CCNK: variants seen among roughly 807,000 people sequenced by gnomAD.
CCNK encodes the protein cyclin K.
Under a neutral mutation model 65.0 loss-of-function variants are expected in CCNK, and 9 were observed. That is an observed-to-expected ratio of 0.14 (90% CI 0.08 to 0.24). The LOEUF (loss-of-function observed/expected upper bound fraction) is 0.24, where lower values mean the gene tolerates loss of function less well. CCNK is among the 10% of genes least tolerant of loss of function. CCNK has a pLI of 1.00. For missense variants in CCNK, 474 were observed against 720.0 expected, an observed-to-expected ratio of 0.66 and a Z score of 3.91; for synonymous variants, 279 against 270.8, an observed-to-expected ratio of 1.03 and a Z score of -0.30.
At chr14:99,496,637 G>A (rs971091222) in intron 4 of CCNK, among the ~76,000 whole-genome samples, 2 of 151,992 alleles carry the variant, frequency 1.3e-5, no homozygotes, top group African/African-American at 4.8e-5. Context: ...ATGAACCCGG[G>A]AGGCGGAGCT....
intron 4 of CCNK, among the ~76,000 whole-genome samples, chr14:99,498,331 A>C (rs1011295441): frequency 6.6e-6 from 1 of 152,054 alleles, no homozygotes; most frequent in African/African-American, 2.4e-5. Flanking sequence ...TGAATGGGGG[A>C]GGGGGCTTTG....
rs1465270470 is a variant in CCNK at position 99,512,143 on chromosome 14, A to G, written c.*1361A>G. 1.1e-4 allele frequency: 17 copies of G among 152,288 alleles called. No homozygotes were observed. Among genetic ancestry groups the G allele is most frequent in the Non-Finnish European group, 4.4e-5 (3 of 68,018 alleles). The allele number at this position is 152,288 out of a possible 1,614,324, so 9.4% of individuals were successfully genotyped here. A position where few individuals can be genotyped will look rare whatever the true frequency, so the allele number is the denominator to read the frequency against. ...TTCAAATCAATGTTTTTACCACACT[A>G]TCAAAAAGTTCTATTTCTTCTTGTC... On this transcript the variant is annotated 3_prime_UTR_variant, in exon 11 of 11. Coordinates refer to ENST00000389879, the MANE Select transcript of CCNK (RefSeq NM_001099402.2).
At chr14:99,481,641 C>A (rs1896326274) in intron 1 of CCNK, 162 bp downstream of exon 1, 1 of 387,234 alleles carries the variant, frequency 2.6e-6, no homozygotes, top group Non-Finnish European at 4.6e-6. Context: ...GCGGGCGACG[C>A]GGGGTTGTGG....
At position 99,510,211 on chromosome 14, in the gene CCNK, T is replaced by A. The variant is rs1196940660; in HGVS notation, c.1172T>A (p.Val391Glu). The stretch of plus-strand genomic sequence containing the variant: ...GGTGAGGCTGAGCCGCCGGGCCCTG[T>A]GGATGCCACTGACCTCCCCAAAGTC... ...ALGEAEPPGPVDATDLPKVQI... is the reference protein window; with the variant it reads ...ALGEAEPPGPEDATDLPKVQI... The change falls in exon 11 of 11, where the codon GTG (valine) becomes GAG (glutamate). Residue 391 changes from valine to glutamate, a missense_variant. This residue lies in a region of CCNK where 229 missense variants were observed against 275.5 expected (regional missense o/e 0.83). Transcript: ENST00000389879. The A allele has an allele frequency of 6.3e-7, 1 of 1,597,212 alleles. No individual in the cohort carries two copies.
intron 8 of CCNK, chr14:99,503,294 C>T (rs1251176656): frequency 1.6e-6 from 1 of 612,368 alleles, no homozygotes; most frequent in East Asian, 2.8e-5. Context: ...CATGCTGCTT[C>T]TGTGCAGCTG....
intron 1 of CCNK, among the ~76,000 whole-genome samples, chr14:99,483,808 G>T (rs1566745043): frequency 6.6e-6 from 1 of 152,196 alleles, no homozygotes; most frequent in Non-Finnish European, 1.5e-5. Flanking sequence ...GATGTCTTTG[G>T]AGATATGCTA....
chr14:99,493,780 C>G (rs773237194), intron 3 of CCNK, among the ~76,000 whole-genome samples, 185 bp downstream of exon 3: 1 of 152,128 alleles, frequency 6.6e-6, no homozygotes, highest in Non-Finnish European at 1.5e-5. Context: ...ATGTTCAAAT[C>G]TTTTCACTTA....
intron 1 of CCNK, among the ~76,000 whole-genome samples, chr14:99,483,593 G>A (rs1380418907): frequency 6.6e-6 from 1 of 152,202 alleles, no homozygotes; most frequent in East Asian, 1.9e-4. Flanking sequence ...TTTTGTTACA[G>A]TTTACTAGAC....
At chr14:99,491,486 C>T (rs1427166517) in intron 1 of CCNK, among the ~76,000 whole-genome samples, 1 of 152,182 alleles carries the variant, frequency 6.6e-6, no homozygotes, top group Non-Finnish European at 1.5e-5. Flanking sequence ...GTCATATTTT[C>T]TGAGGTTTTA....
At position 99,502,319 on chromosome 14, in the gene CCNK, A is replaced by G. The variant is rs1896852159; in HGVS notation, c.688A>G (p.Met230Val). Residue 230 changes from methionine to valine, a missense_variant, in exon 7 of 11, where the codon ATG (methionine) becomes GTG (valine). Physicochemically the swap from Met to Val is conservative, Grantham distance 21. Transcript: ENST00000389879. ...FEIQEWTSKPMYRRWWEQFVQ... is the reference protein window; with the variant it reads ...FEIQEWTSKPVYRRWWEQFVQ... ...AATACAAGAATGGACCTCCAAACCC[A>G]TGTATAGGAGATGGTGGGAGCAGTT... is the stretch of plus-strand genomic sequence containing the variant. 1 of 1,613,594 alleles carries G rather than the reference A, an allele frequency of 6.2e-7. No homozygotes were observed. Among genetic ancestry groups the G allele is most frequent in the Non-Finnish European group, 8.5e-7 (1 of 1,179,786 alleles).
intron 1 of CCNK, chr14:99,491,925 T>C (rs1016250300): frequency 2.0e-5 from 3 of 152,260 alleles, no homozygotes; most frequent in Non-Finnish European, 4.4e-5. Flanking sequence ...TGTTGTTTTT[T>C]TCTTTCTTTC....
chr14:99,498,363 A>G (rs1321581245), intron 4 of CCNK, among the ~76,000 whole-genome samples: 3 of 152,092 alleles, frequency 2.0e-5, no homozygotes, highest in Non-Finnish European at 4.4e-5. Flanking sequence ...CTGCCTCTCT[A>G]TCTCGCGCAG....
At chr14:99,483,638 T>A (rs181592739) in intron 1 of CCNK, among the ~76,000 whole-genome samples, 64 of 152,368 alleles carry the variant, frequency 4.2e-4, no homozygotes, top group African/African-American at 1.5e-3. Context: ...CATAAGTTCA[T>A]TTAAGTTTAT....
At chr14:99,488,719 G>A (rs1019196809) in intron 1 of CCNK, among the ~76,000 whole-genome samples, 3 of 152,024 alleles carry the variant, frequency 2.0e-5, no homozygotes, top group Non-Finnish European at 2.9e-5. Context: ...TAGCAAAGTC[G>A]CATTTATTAT....
intron 1 of CCNK, chr14:99,481,758 A>G (rs1021842337): frequency 8.4e-6 from 3 of 355,710 alleles, no homozygotes; most frequent in African/African-American, 2.1e-5. Context: ...GAGTTGGGGA[A>G]CTTTCTAGGG....
In CCNK at chr14:99,503,614, G is replaced by C. The variant is rs867171281; in HGVS notation, c.1015G>C (p.Val339Leu). The C allele has an allele frequency of 6.4e-7, 1 of 1,559,416 alleles. No individual in the cohort carries two copies. The highest frequency in any genetic ancestry group is 8.7e-7 in the Non-Finnish European group (1 of 1,149,696). Residue 339 changes from valine (V) to leucine (L), a missense_variant, in exon 9 of 11, where the codon GTT (valine) becomes CTT (leucine). Val to Leu is a conservative substitution (Grantham distance 32, BLOSUM62 1). Around this residue, in one of 6 missense-constraint regions of CCNK, gnomAD observed 229 missense variants for 275.5 expected, o/e 0.83. Coordinates refer to ENST00000389879, the MANE Select transcript of CCNK (RefSeq NM_001099402.2). ...TGTGTATTTTCTTTTGTAACAGGTT[G>C]TTTCTCCCAAAGAAGAGAACAAAGC... is the stretch of plus-strand genomic sequence containing the variant. ...SPRQVKRAVV[V>L]SPKEENKAAE...
At chr14:99,502,412 C>A in intron 7 of CCNK, 36 bp downstream of exon 7, 2 of 1,601,720 alleles carry the variant, frequency 1.2e-6, no homozygotes, top group South Asian at 2.2e-5. Context: ...TGAGGGTGTT[C>A]CATGTTGAGA....
chr14:99,491,122 C>T (rs1177293430), intron 1 of CCNK, among the ~76,000 whole-genome samples: 1 of 151,954 alleles, frequency 6.6e-6, no homozygotes, highest in Non-Finnish European at 1.5e-5. Flanking sequence ...TCAGCCAGTC[C>T]CCTGATGATG....
intron 4 of CCNK, chr14:99,500,557 C>G (rs1595314325): frequency 1.9e-6 from 1 of 521,060 alleles, no homozygotes; most frequent in Non-Finnish European, 3.4e-6. Flanking sequence ...TACATTACAC[C>G]TCTGCTTTGT....
Sources: gnomAD v4.1 joint callset for allele counts (sites outside exome capture counted in the v4.1 genomes callset) on GRCh38, gnomAD v4.1.1 for gene constraint, gnomAD v4.1.1 regional missense constraint, MANE v1.5 for transcripts, NCBI Gene and HGNC (gene_info 2026-07-23, HGNC 2026-07-21) for gene names.